PDE10A: variants seen among roughly 807,000 people sequenced by gnomAD.
PDE10A encodes phosphodiesterase 10A.
PDE10A carries 39 observed loss-of-function variants against 97.7 expected under a neutral mutation model. The ratio of observed to expected loss-of-function variants is 0.40; its 90% CI spans 0.31 to 0.52. PDE10A has a LOEUF of 0.52. Ranked by LOEUF, PDE10A falls within the 20% of genes least tolerant of loss-of-function variation. The pLI is 0.56. For missense variants in PDE10A, 731 were observed against 1,047.8 expected, an observed-to-expected ratio of 0.70 and a Z score of 4.17; for synonymous variants, 371 against 376.8, an observed-to-expected ratio of 0.98 and a Z score of 0.18.
chr6:165,372,590 A>C (rs1185761764), intron 18 of PDE10A, among the ~76,000 whole-genome samples: 3 of 151,136 alleles, frequency 2.0e-5, no homozygotes, highest in South Asian at 2.1e-4. Context: ...GATACACACA[A>C]ATGGAAGAAC....
At chr6:165,746,922 T>A (rs1456098829) in intron 1 of PDE10A, among the ~76,000 whole-genome samples, 2 of 152,248 alleles carry the variant, frequency 1.3e-5, no homozygotes, top group East Asian at 3.8e-4. Flanking sequence ...TATTAATATA[T>A]CACTGGTGAT....
At chr6:165,469,761 T>G (rs1448976698) in intron 3 of PDE10A, among the ~76,000 whole-genome samples, 1 of 152,214 alleles carries the variant, frequency 6.6e-6, no homozygotes, top group Non-Finnish European at 1.5e-5. Flanking sequence ...TGGAACACTG[T>G]ATCTGTCAAC....
chr6:165,381,614 A>C (rs919038363), intron 17 of PDE10A, among the ~76,000 whole-genome samples: 3 of 147,590 alleles, frequency 2.0e-5, no homozygotes, highest in Non-Finnish European at 4.5e-5. Flanking sequence ...ACAGGGACGC[A>C]CCACCACACC....
chr6:165,641,505 C>T (rs1003047482), intron 1 of PDE10A, among the ~76,000 whole-genome samples: 4 of 152,008 alleles, frequency 2.6e-5, no homozygotes, highest in African/African-American at 9.7e-5. Flanking sequence ...AGTTACACTT[C>T]AGTAATCTGG....
intron 1 of PDE10A, among the ~76,000 whole-genome samples, chr6:165,864,293 G>A (rs1299956885): frequency 6.6e-6 from 1 of 152,080 alleles, no homozygotes; most frequent in East Asian, 1.9e-4. Flanking sequence ...CATGCTATAA[G>A]CAAAATTAAA....
In PDE10A at chr6:165,552,693, T is replaced by C. The variant is rs182975182; in HGVS notation, c.866-9125A>G. 2.6e-3 allele frequency among the ~76,000 whole-genome samples: 401 copies of C among 152,274 alleles called. 1 individual carries two copies. The highest frequency in any genetic ancestry group is 4.2e-3 in the Admixed American group (64 of 15,298). On this transcript the variant is annotated intron_variant, in intron 1 of 21. Transcript: ENST00000539869. ...TTTCACCCAGTGCACCTCTTCCCTT[T>C]GCGGATTGTGCTTTGTATCCTTCGG...
chr6:165,945,537 G>A (rs763882585), intron 1 of PDE10A, among the ~76,000 whole-genome samples: 3 of 152,200 alleles, frequency 2.0e-5, no homozygotes, highest in Admixed American at 6.5e-5. Flanking sequence ...ATTAGGTCAT[G>A]AGGGTGTAGC....
chr6:165,363,031 A>G (rs913060612), intron 18 of PDE10A, among the ~76,000 whole-genome samples: 1 of 151,822 alleles, frequency 6.6e-6, no homozygotes, highest in African/African-American at 2.4e-5. Context: ...AATAAAAAAA[A>G]TAAACACTCA....
At chr6:165,913,937 C>T (rs1782535821) in intron 1 of PDE10A, among the ~76,000 whole-genome samples, 1 of 152,230 alleles carries the variant, frequency 6.6e-6, no homozygotes, top group African/African-American at 2.4e-5. Context: ...TTCACGCGGC[C>T]TCCACAAGTT....
At chr6:165,981,572 C>A (rs1785017115) in intron 1 of PDE10A, among the ~76,000 whole-genome samples, 1 of 152,224 alleles carries the variant, frequency 6.6e-6, no homozygotes, top group African/African-American at 2.4e-5. Context: ...CTGTTCCATT[C>A]TGCAGGCTTC....
At chr6:165,754,047 G>A (rs536326617) in intron 1 of PDE10A, 5 of 152,308 alleles carry the variant, frequency 3.3e-5, no homozygotes, top group African/African-American at 9.6e-5. Context: ...TGTGATTTAT[G>A]AGCCAATGCA....
chr6:165,873,033 T>C (rs1781244644), intron 1 of PDE10A, among the ~76,000 whole-genome samples: 1 of 152,122 alleles, frequency 6.6e-6, no homozygotes, highest in South Asian at 2.1e-4. Context: ...ATCCTTCACG[T>C]GATGAAAAAT....
chr6:165,418,853 A>G lies in PDE10A; in HGVS notation c.1654-76T>C. The G allele has an allele frequency of 4.8e-6, 6 of 1,242,244 alleles. No individual in the cohort carries two copies. The highest frequency in any genetic ancestry group is 3.5e-6 in the Non-Finnish European group (3 of 866,684). 77.0% of individuals were successfully genotyped at this position (1,242,244 alleles called of 1,614,324 possible). Reference sequence around the variant, plus strand: ...TTGCAGGTAAACTTTATCATAAAATAAGTATTAATTTCAGCTGTCCTATAC... The same window carrying G: ...TTGCAGGTAAACTTTATCATAAAATGAGTATTAATTTCAGCTGTCCTATAC... On this transcript the variant is annotated intron_variant, in intron 10 of 21. Coordinates refer to ENST00000539869, the MANE Select transcript of PDE10A (RefSeq NM_001385079.1). This position sits in a 1 kb window ranked among gnomAD's most constrained non-coding sequence, Gnocchi z 4.8.
At chr6:165,937,571 T>C (rs887561554) in intron 1 of PDE10A, among the ~76,000 whole-genome samples, 1 of 152,250 alleles carries the variant, frequency 6.6e-6, no homozygotes, top group Non-Finnish European at 1.5e-5. Flanking sequence ...GAAGAGTTGG[T>C]ACATGTCTTG....
chr6:165,793,899 C>A (rs1778731947), intron 1 of PDE10A, among the ~76,000 whole-genome samples: 1 of 152,162 alleles, frequency 6.6e-6, no homozygotes, highest in African/African-American at 2.4e-5. Context: ...CTGGGATTGG[C>A]ACTTCACCCA....
At chr6:165,831,181 G>A (rs912897712) in intron 1 of PDE10A, among the ~76,000 whole-genome samples, 8 of 151,540 alleles carry the variant, frequency 5.3e-5, no homozygotes, top group African/African-American at 1.9e-4. Flanking sequence ...TCAAGAGATC[G>A]AGACCATGGT....
At chr6:165,932,526 G>A (rs1348017236) in intron 1 of PDE10A, among the ~76,000 whole-genome samples, 2 of 152,152 alleles carry the variant, frequency 1.3e-5, no homozygotes, top group African/African-American at 4.8e-5. Flanking sequence ...AGTAAAGACA[G>A]GGTTTCACCA....
chr6:165,753,228 T>C (rs1268035585), intron 1 of PDE10A, among the ~76,000 whole-genome samples: 1 of 152,358 alleles, frequency 6.6e-6, no homozygotes, highest in East Asian at 1.9e-4. Flanking sequence ...ATGCAACTTA[T>C]AAGTTGATGT....
intron 1 of PDE10A, among the ~76,000 whole-genome samples, chr6:165,881,770 A>G (rs1215137321): frequency 6.6e-6 from 1 of 152,030 alleles, no homozygotes; most frequent in Non-Finnish European, 1.5e-5. Context: ...GGAAATAATG[A>G]CTGCACTAAT....
Sources: gnomAD v4.1 joint callset for allele counts (sites outside exome capture counted in the v4.1 genomes callset) on GRCh38, gnomAD v4.1.1 for gene constraint, Gnocchi (gnomAD v3.1) non-coding constraint, MANE v1.5 for transcripts, NCBI Gene and HGNC (gene_info 2026-07-23, HGNC 2026-07-21) for gene names.